KRT5: variants seen among roughly 807,000 people sequenced by gnomAD.
The protein encoded by KRT5 is keratin, type II cytoskeletal 5.
Under a neutral mutation model 44.0 loss-of-function variants are expected in KRT5, and 17 were observed. That is an observed-to-expected ratio of 0.39 (90% CI 0.26 to 0.58). KRT5 has a LOEUF of 0.58. Ranked by LOEUF, KRT5 falls within the 20% of genes least tolerant of loss-of-function variation. The pLI is 0.61. For missense variants in KRT5, 737 were observed against 785.5 expected (o/e 0.94, Z 0.74); for synonymous variants, 329 against 312.8 (o/e 1.05, Z -0.55).
chr12:52,515,031 C>T lies in KRT5; in HGVS notation c.1684G>A (p.Gly562Arg), dbSNP rs980414870. Residue 562 changes from glycine (G) to arginine (R), a missense_variant, in exon 9 of 9, where the codon GGG (glycine) becomes AGG (arginine). Physicochemically the swap from Gly to Arg is moderately radical, Grantham distance 125 (BLOSUM62 -2). This residue lies in a region of KRT5 where 344 missense variants were observed against 351.6 expected (regional missense o/e 0.98). Transcript: ENST00000252242. ...GFSASSGRGL[G>R]VGFGSGGGSS... is the part of the protein sequence containing the mutation. ...CCCCCGCCACTGCCAAAGCCCACCC[C>T]CAGCCCTCGGCCACTGCTTGCACTG... 1 of 1,612,944 alleles carries T rather than the reference C, an allele frequency of 6.2e-7. No homozygotes were observed. The highest frequency in any genetic ancestry group is 1.3e-5 in the African/African-American group (1 of 74,650).
At position 52,520,147 on chromosome 12, in the gene KRT5, G is replaced by C; in HGVS notation, c.150C>G (p.Ser50Arg). 2.5e-6 allele frequency: 4 copies of C among 1,613,992 alleles called. No individual in the cohort carries two copies. Among genetic ancestry groups the C allele is most frequent in the Non-Finnish European group, 3.4e-6 (4 of 1,179,910 alleles). ...GGGGGGFGRVSLAGACGVGGY... is the reference protein window; with the variant it reads ...GGGGGGFGRVRLAGACGVGGY... Reference sequence around the variant, plus strand: ...CACCCACTCCACAAGCACCCGCAAGGCTGACCCTGCCGAAGCCACCACCAC... The same window carrying C: ...CACCCACTCCACAAGCACCCGCAAGCCTGACCCTGCCGAAGCCACCACCAC... The change falls in exon 1 of 9, where the codon AGC becomes AGG. Residue 50 changes from serine to arginine, a missense_variant. Ser to Arg is a moderately radical substitution (Grantham distance 110). Transcript: ENST00000252242.
rs1246307248 is a variant in KRT5 at position 52,514,610 on chromosome 12, G to C, written c.*332C>G. ...AAAGCATTTTATTGAACACATTCTG[G>C]AGGTAGTTAGAACCAAAACAAAATT... is the stretch of plus-strand genomic sequence containing the variant. On this transcript the variant is annotated 3_prime_UTR_variant, in exon 9 of 9. Transcript: ENST00000252242. 3 of 373,258 alleles carry C rather than the reference G, an allele frequency of 8.0e-6. No individual in the cohort carries two copies. Among genetic ancestry groups the C allele is most frequent in the African/African-American group, 2.1e-5 (1 of 48,576 alleles). The allele number at this position is 373,258 out of a possible 1,614,324, so 23.1% of individuals were successfully genotyped here. A position where few individuals can be genotyped will look rare whatever the true frequency, so the allele number is the denominator to read the frequency against.
chr12:52,517,253 GA>G (rs1020310680), intron 5 of KRT5, 21 bp from the exon 6 acceptor site: 18 of 1,613,770 alleles, frequency 1.1e-5, no homozygotes, highest in Non-Finnish European at 8.5e-7. Flanking sequence ...CAGGAAAGAG[GA>G]AAGATTCTGT....
chr12:52,515,777 T>C, intron 8 of KRT5, 21 bp downstream of exon 8: 1 of 1,596,720 alleles, frequency 6.3e-7, no homozygotes, highest in Non-Finnish European at 8.6e-7. Flanking sequence ...TCGTTGTTAA[T>C]GTCTGTTCAA....
intron 7 of KRT5, chr12:52,516,367 A>G (rs903616933): frequency 1.2e-5 from 6 of 492,396 alleles, no homozygotes; most frequent in Admixed American, 6.4e-5. Flanking sequence ...ACGTGAGCAA[A>G]AGCAGAAAAG....
At chr12:52,515,457 G>A (rs1338444815) in intron 8 of KRT5, 2 of 670,548 alleles carry the variant, frequency 3.0e-6, no homozygotes, top group Non-Finnish European at 5.2e-6. Context: ...AGGTACTGAG[G>A]GGAGCTAGGT....
intron 6 of KRT5, 98 bp from the exon 7 acceptor site, chr12:52,516,955 G>A: frequency 6.5e-7 from 1 of 1,529,260 alleles, no homozygotes; most frequent in East Asian, 2.2e-5. Flanking sequence ...GAATCCCAGA[G>A]AGAAACCAGT....
rs750554604 is a variant in KRT5, at chr12:52,515,037, C to T, written c.1678G>A (p.Gly560Arg). The T allele has an allele frequency of 4.0e-5, 64 of 1,612,746 alleles. No individual in the cohort carries two copies. Among genetic ancestry groups the T allele is most frequent in the Non-Finnish European group, 5.3e-5 (63 of 1,179,606 alleles). ...CCACTGCCAAAGCCCACCCCCAGCC[C>T]TCGGCCACTGCTTGCACTGAAGCCA... is the stretch of plus-strand genomic sequence containing the variant. ...GSGFSASSGR[G>R]LGVGFGSGGG... is the part of the protein sequence containing the mutation. The change falls in exon 9 of 9, where the codon GGG (glycine) becomes AGG (arginine). Residue 560 changes from glycine (G) to arginine (R), a missense_variant. By Grantham distance (125) the Gly-to-Arg change is moderately radical. Around this residue, in one of 5 missense-constraint regions of KRT5, gnomAD observed 344 missense variants for 351.6 expected, o/e 0.98. Transcript: ENST00000252242.
rs780079242 is a variant in KRT5 at position 52,517,996 on chromosome 12, G to A, written c.832-4C>T. The A allele has an allele frequency of 3.1e-6, 5 of 1,613,478 alleles. No individual in the cohort carries two copies. Among genetic ancestry groups the A allele is most frequent in the African/African-American group, 1.3e-5 (1 of 74,896 alleles). On this transcript the variant is annotated splice_region_variant and splice_polypyrimidine_tract_variant and intron_variant, in intron 3 of 8. Transcript: ENST00000252242. ...TCATGTAGGCAGCATCTACATCCTGGGGAAACAGGGATGATTGGCACTGCA... is the reference window on the plus strand; with the variant it reads ...TCATGTAGGCAGCATCTACATCCTGAGGAAACAGGGATGATTGGCACTGCA...
Position 52,517,924 on chromosome 12 carries a change from A to T in KRT5, c.900T>A (p.Ile300=), listed in dbSNP as rs776747513. The change falls in exon 4 of 9, where the codon ATT becomes ATA. Residue 300 remains isoleucine (I), a synonymous_variant. Transcript: ENST00000252242. The part of the protein sequence containing the change: ...EAKVDALMDE[I]NFMKMFFDAE... ...CATCAAAGAACATCTTCATGAAGTT[A>T]ATCTCATCCATCAGTGCATCAACCT... 1 of 1,614,222 alleles carries T rather than the reference A, an allele frequency of 6.2e-7. No homozygotes were observed. The highest frequency in any genetic ancestry group is 8.5e-7 in the Non-Finnish European group (1 of 1,179,994).
Position 52,515,017 on chromosome 12 carries a change from G to A in KRT5, c.1698C>T (p.Gly566=), listed in dbSNP as rs1330376732. 4 of 1,608,588 alleles carry A rather than the reference G, an allele frequency of 2.5e-6. No individual in the cohort carries two copies. Among genetic ancestry groups the A allele is most frequent in the Non-Finnish European group, 3.4e-6 (4 of 1,177,984 alleles). The stretch of plus-strand genomic sequence containing the variant: ...CGCTGGAGCTGCTACCCCCGCCACT[G>A]CCAAAGCCCACCCCCAGCCCTCGGC... The part of the protein sequence containing the change: ...SSGRGLGVGF[G]SGGGSSSSVK... Residue 566 remains glycine (G), a synonymous_variant, in exon 9 of 9, where the codon GGC becomes GGT. Coordinates refer to ENST00000252242, the MANE Select transcript of KRT5 (RefSeq NM_000424.4).
At position 52,520,269 on chromosome 12, in the gene KRT5, G is replaced by A. The variant is rs148526538; in HGVS notation, c.28C>T (p.Arg10Trp). ...CTGAAGCTACGACTGCCCCCGCTCC[G>A]GAAGGACACACTTGACTGGCGAGAC... MSRQSSVSFRSGGSRSFSTA... is the reference protein window; with the variant it reads MSRQSSVSFWSGGSRSFSTA... The change falls in exon 1 of 9, where the codon CGG (arginine) becomes TGG (tryptophan). Residue 10 changes from arginine (R) to tryptophan (W), a missense_variant. By Grantham distance (101) the Arg-to-Trp change is moderately radical (BLOSUM62 -3). Around this residue, in one of 5 missense-constraint regions of KRT5, gnomAD observed 326 missense variants for 333.1 expected, o/e 0.98. Transcript: ENST00000252242. The A allele has an allele frequency of 6.1e-5, 98 of 1,613,652 alleles. No individual in the cohort carries two copies. The highest frequency in any genetic ancestry group is 2.0e-4 in the African/African-American group (15 of 75,060).
rs751505210 is a variant in KRT5, at chr12:52,519,747, C to T, written c.550G>A (p.Asp184Asn). The T allele has an allele frequency of 6.8e-6, 11 of 1,613,658 alleles. No homozygotes were observed. The highest frequency in any genetic ancestry group is 3.3e-5 in the South Asian group (3 of 91,050). The change falls in exon 1 of 9, where the codon GAC becomes AAC. Residue 184 changes from aspartate to asparagine, a missense_variant. This residue lies in a region of KRT5 where 326 missense variants were observed against 333.1 expected (regional missense o/e 0.98). Transcript: ENST00000252242. ...TACAAAAGATCGTAGCTCACCTTGT[C>T]GATGAAGGAGGCAAACTTATTGTTG... ...TLNNKFASFI[D>N]KVRFLEQQNK...
intron 6 of KRT5, 110 bp downstream of exon 6, chr12:52,516,997 G>C: frequency 6.7e-7 from 1 of 1,500,778 alleles, no homozygotes; most frequent in Non-Finnish European, 9.3e-7. Context: ...TGAAACACTG[G>C]TACTGGATCT....
rs1340620387 is a variant in KRT5, at chr12:52,515,107, G to A, written c.1608C>T (p.Ser536=). ...CACCACCTAGGCCGACACCCCCACT[G>A]CTGCTGGAGTAGTAGCTTCCACTGC... ...GGSSGSYYSS[S]SGGVGLGGGL... The change falls in exon 9 of 9, where the codon AGC becomes AGT. Residue 536 remains serine, a synonymous_variant. Transcript: ENST00000252242. 3.1e-6 allele frequency: 5 copies of A among 1,610,822 alleles called. No homozygotes were observed. The highest frequency in any genetic ancestry group is 3.4e-6 in the Non-Finnish European group (4 of 1,178,958).
At chr12:52,516,169 A>G (rs1938607039) in intron 7 of KRT5, 1 of 463,954 alleles carries the variant, frequency 2.2e-6, no homozygotes, top group African/African-American at 1.9e-5. Flanking sequence ...GCACGGACAG[A>G]AATTCCTCCA....
chr12:52,519,116 C>G lies in KRT5; in HGVS notation c.600G>C (p.Trp200Cys). The G allele has an allele frequency of 6.2e-7, 1 of 1,614,208 alleles. No individual in the cohort carries two copies. Among genetic ancestry groups the G allele is most frequent in the Non-Finnish European group, 8.5e-7 (1 of 1,180,028 alleles). ...TGGTGCCCTGCTCCTGCAGCAGGGT[C>G]CACTTGGTGTCCAGAACCTTGTTCT... ...EQQNKVLDTKWTLLQEQGTKT... is the reference protein window; with the variant it reads ...EQQNKVLDTKCTLLQEQGTKT... Residue 200 changes from tryptophan to cysteine, a missense_variant, in exon 2 of 9, where the codon TGG becomes TGC. Physicochemically the swap from Trp to Cys is radical, Grantham distance 215. Around this residue, in one of 5 missense-constraint regions of KRT5, gnomAD observed 326 missense variants for 333.1 expected, o/e 0.98. Coordinates refer to ENST00000252242, the MANE Select transcript of KRT5 (RefSeq NM_000424.4).
At chr12:52,517,321 T>A (rs746815267) in intron 5 of KRT5, 89 bp from the exon 6 acceptor site, 2 of 1,506,178 alleles carry the variant, frequency 1.3e-6, no homozygotes, top group Non-Finnish European at 1.8e-6. Context: ...TACTAAGTGG[T>A]GGCAAATAGT....
At chr12:52,518,266 G>T (rs917177239) in intron 2 of KRT5, 103 bp from the exon 3 acceptor site, 3 of 1,091,296 alleles carry the variant, frequency 2.7e-6, no homozygotes, top group African/African-American at 1.5e-5. Context: ...GTGGGAAGGG[G>T]CTTCTCCTCA....
Sources: gnomAD v4.1 joint callset for allele counts on GRCh38, gnomAD v4.1.1 for gene constraint, gnomAD v4.1.1 regional missense constraint, MANE v1.5 for transcripts, NCBI Gene and HGNC (gene_info 2026-07-23, HGNC 2026-07-21) for gene names.